Variants in PKN2 observed in about 807,000 individuals in gnomAD.
PKN2 encodes serine/threonine-protein kinase N2.
In PKN2, 38 loss-of-function variants were observed where a neutral mutation model predicts 119.1. The ratio of observed to expected loss-of-function variants is 0.32; its 90% CI spans 0.25 to 0.42. The LOEUF (loss-of-function observed/expected upper bound fraction) is 0.42. Ranked by LOEUF, PKN2 falls within the 10% of genes least tolerant of loss-of-function variation. The pLI is 1.00. For synonymous variants in PKN2, 390 were observed against 384.9 expected (o/e 1.01, Z -0.15); for missense variants, 850 against 1,165.1 (o/e 0.73, Z 3.94).
chr1:88,734,186 G>A (rs1004285928), intron 1 of PKN2, among the ~76,000 whole-genome samples: 2 of 151,500 alleles, frequency 1.3e-5, no homozygotes, highest in African/African-American at 4.9e-5. Flanking sequence ...AATTTGGAGC[G>A]TTTTAGAGTT....
chr1:88,809,526 T>C (rs1446932713), intron 15 of PKN2, among the ~76,000 whole-genome samples: 2 of 152,224 alleles, frequency 1.3e-5, no homozygotes, highest in Non-Finnish European at 2.9e-5. Flanking sequence ...TTGTGCTGAA[T>C]CTTTGTAGGA....
intron 6 of PKN2, among the ~76,000 whole-genome samples, chr1:88,775,891 G>A (rs1341627191): frequency 1.3e-5 from 2 of 151,932 alleles, no homozygotes; most frequent in Non-Finnish European, 2.9e-5. Flanking sequence ...GGATCACGAG[G>A]TCAGAAGATC....
chr1:88,799,719 T>C (rs141133499), intron 8 of PKN2, among the ~76,000 whole-genome samples: 1 of 152,340 alleles, frequency 6.6e-6, no homozygotes, highest in East Asian at 1.9e-4. Flanking sequence ...TGATTTAAGT[T>C]CCTCTTGCCC....
intron 1 of PKN2, among the ~76,000 whole-genome samples, chr1:88,719,505 G>A (rs1425558689): frequency 6.6e-6 from 1 of 151,676 alleles, no homozygotes; most frequent in Non-Finnish European, 1.5e-5. Flanking sequence ...TTGTTGTTTT[G>A]TTGTATACTT....
At chr1:88,774,621 G>GTT (rs577620806) in intron 6 of PKN2, among the ~76,000 whole-genome samples, 1 of 145,926 alleles carries the variant, frequency 6.9e-6, no homozygotes. Flanking sequence ...CATTTTGCGG[G>GTT]TTTTTTTTTT....
intron 1 of PKN2, among the ~76,000 whole-genome samples, chr1:88,698,240 G>A (rs1173774024): frequency 6.6e-6 from 1 of 151,966 alleles, no homozygotes; most frequent in Non-Finnish European, 1.5e-5. Flanking sequence ...TTTTAAAAGT[G>A]GGTCATAGGA....
intron 1 of PKN2, among the ~76,000 whole-genome samples, chr1:88,686,093 C>A (rs1408855609): frequency 6.6e-6 from 1 of 152,060 alleles, no homozygotes; most frequent in African/African-American, 2.4e-5. Flanking sequence ...TTACAGCATA[C>A]CACATTTGCT....
At chr1:88,730,704 T>C (rs1668113635) in intron 1 of PKN2, among the ~76,000 whole-genome samples, 1 of 152,242 alleles carries the variant, frequency 6.6e-6, no homozygotes, top group Non-Finnish European at 1.5e-5. Context: ...GATGCTATTA[T>C]GTAGGCACCC....
intron 16 of PKN2, among the ~76,000 whole-genome samples, chr1:88,817,628 G>C (rs992496195): frequency 2.6e-5 from 4 of 151,104 alleles, no homozygotes; most frequent in African/African-American, 9.7e-5. Context: ...AGAATCGCTT[G>C]AACCCTGGAG....
chr1:88,734,898 T>C (rs1479132049), intron 1 of PKN2, among the ~76,000 whole-genome samples: 7 of 152,178 alleles, frequency 4.6e-5, no homozygotes, highest in Admixed American at 3.3e-4. Context: ...TTTAACTCCA[T>C]TTTCTCCCAC....
chr1:88,790,112 G>A (rs1365642189), intron 8 of PKN2, among the ~76,000 whole-genome samples: 1 of 152,132 alleles, frequency 6.6e-6, no homozygotes, highest in African/African-American at 2.4e-5. Context: ...CCTTTCTGGG[G>A]CCTTACATCT....
intron 3 of PKN2, among the ~76,000 whole-genome samples, chr1:88,764,143 T>G (rs1395094540): frequency 6.6e-6 from 1 of 152,230 alleles, no homozygotes; most frequent in Non-Finnish European, 1.5e-5. Context: ...TGATCTCATC[T>G]TCTAAAACAC....
At chr1:88,753,677 C>T (rs551198505) in intron 2 of PKN2, among the ~76,000 whole-genome samples, 1 of 141,128 alleles carries the variant, frequency 7.1e-6, no homozygotes, top group Non-Finnish European at 1.5e-5. Context: ...GGAGCAGGAG[C>T]GAGAGAGAGA....
At chr1:88,776,103 G>A (rs1430388312) in intron 6 of PKN2, among the ~76,000 whole-genome samples, 2 of 139,786 alleles carry the variant, frequency 1.4e-5, no homozygotes, top group East Asian at 2.1e-4. Flanking sequence ...GCGAGACTCC[G>A]TCTCAAAAAA....
At chr1:88,747,278 A>G (rs889239999) in intron 2 of PKN2, among the ~76,000 whole-genome samples, 1 of 152,204 alleles carries the variant, frequency 6.6e-6, no homozygotes, top group African/African-American at 2.4e-5. Flanking sequence ...CCCACTGCGA[A>G]GAAATAAATA....
intron 8 of PKN2, among the ~76,000 whole-genome samples, chr1:88,797,655 G>A (rs1237499299): frequency 4.8e-5 from 7 of 145,128 alleles, no homozygotes; most frequent in Non-Finnish European, 3.1e-5. Context: ...AAAAAAAAGA[G>A]AGAGAATGTC....
At chr1:88,713,658 T>A (rs932996092) in intron 1 of PKN2, among the ~76,000 whole-genome samples, 2 of 152,190 alleles carry the variant, frequency 1.3e-5, no homozygotes, top group African/African-American at 4.8e-5. Context: ...GTTTAAGTTC[T>A]TTGTAGATTC....
chr1:88,822,610 G>A (rs561834025), intron 17 of PKN2, among the ~76,000 whole-genome samples: 69 of 141,146 alleles, frequency 4.9e-4, no homozygotes, highest in African/African-American at 1.7e-3. Context: ...ACGGAGTTTC[G>A]CTCTTGTCAC....
In PKN2 at chr1:88,835,480, C is replaced by A. The variant is rs1045368254; in HGVS notation, c.*2032C>A. ...TACAGAATTTTTTTTTAATTGAAGT[C>A]AATCACTAAAAAAATTAGAAGGCAG... is the stretch of plus-strand genomic sequence containing the variant. On this transcript the variant is annotated 3_prime_UTR_variant, in exon 22 of 22. Transcript: ENST00000370521. 1.3e-5 allele frequency: 2 copies of A among 151,152 alleles called. No individual in the cohort carries two copies. Among genetic ancestry groups the A allele is most frequent in the African/African-American group, 4.9e-5 (2 of 41,170 alleles). The allele number at this position is 151,152 out of a possible 1,614,324, so 9.4% of individuals were successfully genotyped here. A position where few individuals can be genotyped will look rare whatever the true frequency, so the allele number is the denominator to read the frequency against.
Sources: gnomAD v4.1 joint callset for allele counts (sites outside exome capture counted in the v4.1 genomes callset) on GRCh38, gnomAD v4.1.1 for gene constraint, MANE v1.5 for transcripts, NCBI Gene and HGNC (gene_info 2026-07-23, HGNC 2026-07-21) for gene names.